The following OPA3 variants were observed in gnomAD, a reference collection of about 807,000 sequenced individuals.
OPA3 encodes the protein outer mitochondrial membrane lipid metabolism regulator OPA3.
Under a neutral mutation model 4.0 loss-of-function variants are expected in OPA3, and 6 were observed. The observed-to-expected ratio is 1.51, with a 90% CI of 0.83 to 2.99. OPA3 has a LOEUF of 2.99. Among genes scored for constraint, OPA3 ranks in the 30% most tolerant of loss-of-function variants. OPA3 has a pLI of 0.00. For synonymous variants in OPA3, 105 were observed against 117.1 expected, an observed-to-expected ratio of 0.90 and a Z score of 0.67; for missense variants, 235 against 256.2, an observed-to-expected ratio of 0.92 and a Z score of 0.56.
chr19:45,574,186 G>A (rs1175590065), intron 1 of OPA3, among the ~76,000 whole-genome samples: 1 of 151,858 alleles, frequency 6.6e-6, no homozygotes, highest in Non-Finnish European at 1.5e-5. Context: ...GAGGTCAGGA[G>A]ATCGAGACCA....
At chr19:45,579,380 C>A (rs575412704) in intron 1 of OPA3, among the ~76,000 whole-genome samples, 1 of 152,170 alleles carries the variant, frequency 6.6e-6, no homozygotes, top group Non-Finnish European at 1.5e-5. Flanking sequence ...GCCACCACAC[C>A]TGGCTAATTT....
chr19:45,572,309 G>A (rs7507838), intron 1 of OPA3, among the ~76,000 whole-genome samples: 8 of 99,838 alleles, frequency 8.0e-5, no homozygotes, highest in Non-Finnish European at 1.1e-4. Flanking sequence ...CATATATATC[G>A]ACATATATGA....
intron 1 of OPA3, among the ~76,000 whole-genome samples, chr19:45,576,728 C>G (rs542678685): frequency 1.4e-4 from 21 of 152,138 alleles, no homozygotes; most frequent in Middle Eastern, 3.4e-3. Context: ...GGGGCAGCAT[C>G]CCTCAAATCA....
chr19:45,550,667 T>C lies in OPA3; in HGVS notation c.*2847A>G. Reference sequence around the variant, plus strand: ...TTTCCCCAGCTCATAGGGTGACTCTTGGGCCTCTCCCCATCAGAACCCTCC... The same window carrying C: ...TTTCCCCAGCTCATAGGGTGACTCTCGGGCCTCTCCCCATCAGAACCCTCC... On this transcript the variant is annotated 3_prime_UTR_variant, in exon 2 of 2. Coordinates refer to ENST00000263275, the MANE Select transcript of OPA3 (RefSeq NM_025136.4). 3 of 985,988 alleles carry C rather than the reference T, an allele frequency of 3.0e-6. No individual in the cohort carries two copies. Among genetic ancestry groups the C allele is most frequent in the Non-Finnish European group, 2.4e-6 (2 of 830,270 alleles). 61.1% of individuals were successfully genotyped at this position (985,988 alleles called of 1,614,324 possible).
At chr19:45,541,864 C>G (rs1969189102), downstream of OPA3, among the ~76,000 whole-genome samples, 1 of 152,204 alleles carries the variant, frequency 6.6e-6, no homozygotes, top group African/African-American at 2.4e-5. Context: ...CACACCCAGC[C>G]TGAACCTGAA....
chr19:45,568,056 T>C (rs561479044), intron 1 of OPA3, among the ~76,000 whole-genome samples: 1 of 152,160 alleles, frequency 6.6e-6, no homozygotes, highest in Non-Finnish European at 1.5e-5. Flanking sequence ...TGGAGTGCAC[T>C]GGTACGATCT....
At position 45,552,076 on chromosome 19, in the gene OPA3, A is replaced by T. The variant is rs1969341061; in HGVS notation, c.*1438T>A. ...CGGAAAGGGGGGTTGGAGGACATTC[A>T]CAGAAAAGATCCTGTAGTGCCATTC... On this transcript the variant is annotated 3_prime_UTR_variant, in exon 2 of 2. Transcript: ENST00000263275. 6.1e-6 allele frequency: 6 copies of T among 985,486 alleles called. No homozygotes were observed. Among genetic ancestry groups the T allele is most frequent in the Non-Finnish European group, 7.2e-6 (6 of 830,026 alleles). The allele number at this position is 985,486 out of a possible 1,614,324, so 61.0% of individuals were successfully genotyped here.
intron 1 of OPA3, among the ~76,000 whole-genome samples, chr19:45,574,604 C>A (rs12978140): frequency 6.6e-6 from 1 of 151,718 alleles, no homozygotes. Context: ...GCTGCCTGCT[C>A]AAAGTCACAT....
chr19:45,528,028 G>T (rs1969012747), exon 2 of OPA3: 1 of 152,520 alleles, frequency 6.6e-6, no homozygotes, highest in South Asian at 2.1e-4. Context: ...CGATCCCTGC[G>T]TACCGTGAGG....
At chr19:45,538,673 A>C (rs894069519) in intron 1 of OPA3, among the ~76,000 whole-genome samples, 1 of 151,992 alleles carries the variant, frequency 6.6e-6, no homozygotes, top group Non-Finnish European at 1.5e-5. Flanking sequence ...CAGTGAGCCA[A>C]AATTGTGCCA....
Position 45,584,383 on chromosome 19 carries a change from C to A in OPA3, c.142+240G>T, listed in dbSNP as rs923268903. 14 of 985,274 alleles carry A rather than the reference C, an allele frequency of 1.4e-5. No individual in the cohort carries two copies. In the African/African-American group the frequency reaches 2.3e-4, roughly 16 times the overall value. 61.0% of individuals were successfully genotyped at this position (985,274 alleles called of 1,614,324 possible). ...GGCATCAGTCTCCAAGCGCTCTCTT[C>A]CTTTATCGGCTGGCATTTCCTACTC... On this transcript the variant is annotated intron_variant, in intron 1 of 1. Transcript: ENST00000263275.
intron 1 of OPA3, among the ~76,000 whole-genome samples, chr19:45,581,712 G>A (rs974508803): frequency 2.0e-5 from 3 of 152,220 alleles, no homozygotes; most frequent in South Asian, 2.1e-4. Context: ...CACCTTGCCC[G>A]CTGCCTAGAC....
Position 45,552,219 on chromosome 19 carries a change from G to GT in OPA3, c.*1294dup, listed in dbSNP as rs74313320. ...GACTGCAGGCCAGGACCTTTTGTGG[G>GT]TTTTTTTAAGATGGAGTTTTGCTCG... On this transcript the variant is annotated 3_prime_UTR_variant, in exon 2 of 2. Coordinates refer to ENST00000263275, the MANE Select transcript of OPA3 (RefSeq NM_025136.4). The GT allele has an allele frequency of 0.41, 400,638 of 984,082 alleles. 83,617 individuals are homozygous for GT. Among genetic ancestry groups the GT allele is most frequent in the Non-Finnish European group, 0.43 (355,412 of 829,114 alleles). The allele number at this position is 984,082 out of a possible 1,614,324, so 61.0% of individuals were successfully genotyped here.
chr19:45,572,431 G>T (rs1599990873), intron 1 of OPA3, among the ~76,000 whole-genome samples: 1 of 97,168 alleles, frequency 1.0e-5, no homozygotes, highest in African/African-American at 5.1e-5. Context: ...TATATATCAT[G>T]ATATATGTAT....
Position 45,553,577 on chromosome 19 carries a change from C to A in OPA3, c.477G>T (p.Val159=). The A allele has an allele frequency of 6.2e-7, 1 of 1,612,820 alleles. No individual in the cohort carries two copies. The highest frequency in any genetic ancestry group is 8.5e-7 in the Non-Finnish European group (1 of 1,179,922). ...GGCCGGGATTGCAGAGCTGGGCGCG[C>A]ACCTCTTGCAGCTCTGTGCGCAGTT... The part of the protein sequence containing the change: ...LEELRTELQE[V]RAQLCNPGRS... Residue 159 remains valine (V), a synonymous_variant, in exon 2 of 2, where the codon GTG becomes GTT. Transcript: ENST00000263275.
At chr19:45,543,006 A>G (rs1028521752), downstream of OPA3, among the ~76,000 whole-genome samples, 3 of 149,160 alleles carry the variant, frequency 2.0e-5, no homozygotes, top group African/African-American at 4.9e-5. Context: ...TTGTTTGTTT[A>G]TTTATTTATT....
At chr19:45,583,022 T>C (rs1226355199) in intron 1 of OPA3, among the ~76,000 whole-genome samples, 1 of 152,222 alleles carries the variant, frequency 6.6e-6, no homozygotes, top group Non-Finnish European at 1.5e-5. Flanking sequence ...AGAAGCAAGA[T>C]GGAGTAAGTT....
intron 1 of OPA3, among the ~76,000 whole-genome samples, chr19:45,567,877 A>C (rs1969606179): frequency 6.6e-6 from 1 of 152,226 alleles, no homozygotes; most frequent in African/African-American, 2.4e-5. Flanking sequence ...AGCATATTAA[A>C]TAAAAGCTGT....
intron 1 of OPA3, among the ~76,000 whole-genome samples, chr19:45,555,911 C>T (rs576229256): frequency 1.3e-5 from 2 of 152,034 alleles, no homozygotes; most frequent in South Asian, 2.1e-4. Context: ...GGATTGCAAT[C>T]GTGAGCCACT....
Sources: allele counts gnomAD v4.1 joint callset (sites outside exome capture counted in the v4.1 genomes callset), GRCh38; gene constraint gnomAD v4.1.1; transcripts MANE v1.5; gene names NCBI Gene and HGNC (gene_info 2026-07-23, HGNC 2026-07-21).